Variants in NREP observed in about 807,000 individuals in gnomAD.
NREP encodes the protein neuronal regeneration related protein.
NREP carries 5 observed loss-of-function variants against 8.6 expected under a neutral mutation model. The observed-to-expected ratio is 0.58, with a 90% CI of 0.30 to 1.22. NREP has a LOEUF of 1.22. Ranked by LOEUF, NREP falls within the 50% of genes most tolerant of loss-of-function variation. NREP has a pLI of 0.07. For missense variants in NREP, 86 were observed against 82.5 expected (o/e 1.04, Z -0.17); for synonymous variants, 27 against 28.0 (o/e 0.96, Z 0.11).
chr5:111,831,994 G>A (rs148496457), intron 2 of NREP, among the ~76,000 whole-genome samples: 3 of 152,274 alleles, frequency 2.0e-5, no homozygotes, highest in Admixed American at 6.5e-5. Context: ...GTCTCTATGA[G>A]TGTTATAAGA....
chr5:111,754,521 CA>C (rs1454019777), intron 2 of NREP, among the ~76,000 whole-genome samples: 5 of 152,330 alleles, frequency 3.3e-5, no homozygotes, highest in African/African-American at 1.2e-4. Flanking sequence ...AAATACTTTA[CA>C]GCAGTTGATT....
chr5:111,857,530 G>C (rs1396182973), intron 2 of NREP, among the ~76,000 whole-genome samples: 1 of 151,920 alleles, frequency 6.6e-6, no homozygotes, highest in Non-Finnish European at 1.5e-5. Flanking sequence ...CTGAGGGTGT[G>C]GATCATATGG....
intron 2 of NREP, among the ~76,000 whole-genome samples, chr5:111,875,991 C>A (rs1286892959): frequency 1.3e-5 from 2 of 152,134 alleles, no homozygotes; most frequent in Non-Finnish European, 2.9e-5. Flanking sequence ...ACATAGAGCA[C>A]AAATAACTGG....
chr5:111,835,987 G>A (rs1473384861), intron 2 of NREP, among the ~76,000 whole-genome samples: 1 of 152,074 alleles, frequency 6.6e-6, no homozygotes, highest in African/African-American at 2.4e-5. Flanking sequence ...CAAGAATTCA[G>A]GTTCTGGCAC....
intron 2 of NREP, among the ~76,000 whole-genome samples, chr5:111,869,083 G>C (rs1480298698): frequency 6.6e-6 from 1 of 152,158 alleles, no homozygotes; most frequent in Non-Finnish European, 1.5e-5. Context: ...GGAGCCACAA[G>C]GTGGGAATAA....
intron 2 of NREP, among the ~76,000 whole-genome samples, chr5:111,950,245 C>G (rs140181363): frequency 4.6e-5 from 7 of 152,096 alleles, no homozygotes; most frequent in Middle Eastern, 3.4e-3. Context: ...CCATACCATA[C>G]GCCTACAACC....
intron 2 of NREP, among the ~76,000 whole-genome samples, chr5:111,780,856 T>C (rs572616470): frequency 6.6e-6 from 1 of 152,124 alleles, no homozygotes; most frequent in Admixed American, 6.6e-5. Context: ...AGTTGACACA[T>C]TGCCATCAAG....
At chr5:111,864,221 T>G (rs968982258) in intron 2 of NREP, among the ~76,000 whole-genome samples, 4 of 152,166 alleles carry the variant, frequency 2.6e-5, no homozygotes, top group Admixed American at 2.0e-4. Flanking sequence ...ACTGGGGTCC[T>G]AAATAAGTAA....
chr5:111,929,475 C>A (rs1755478945), intron 2 of NREP, among the ~76,000 whole-genome samples: 1 of 152,196 alleles, frequency 6.6e-6, no homozygotes, highest in Non-Finnish European at 1.5e-5. Context: ...GGCCTCAGGG[C>A]AAGGATCTTT....
intron 2 of NREP, among the ~76,000 whole-genome samples, chr5:111,931,585 G>C (rs1031360125): frequency 6.6e-6 from 1 of 152,102 alleles, no homozygotes; most frequent in Middle Eastern, 3.2e-3. Flanking sequence ...AGCCACTCCA[G>C]AATTTCTGAC....
chr5:111,955,588 T>A (rs1756293138), intron 2 of NREP, among the ~76,000 whole-genome samples: 1 of 152,052 alleles, frequency 6.6e-6, no homozygotes, highest in Admixed American at 6.6e-5. Flanking sequence ...TTTCTGAGTC[T>A]GTGTAAGGGG....
chr5:111,768,884 G>A (rs571616792), intron 2 of NREP, among the ~76,000 whole-genome samples: 1 of 152,314 alleles, frequency 6.6e-6, no homozygotes, highest in Non-Finnish European at 1.5e-5. Context: ...ACCCAATAAT[G>A]GGAATGCTGG....
intron 2 of NREP, among the ~76,000 whole-genome samples, chr5:111,895,226 A>T (rs1338093078): frequency 1.3e-5 from 2 of 152,214 alleles, no homozygotes; most frequent in African/African-American, 4.8e-5. Flanking sequence ...GATTGAGGAC[A>T]GAGTGGGGCT....
chr5:111,847,670 T>C (rs1034764337), intron 2 of NREP, among the ~76,000 whole-genome samples: 4 of 152,180 alleles, frequency 2.6e-5, no homozygotes, highest in Non-Finnish European at 5.9e-5. Context: ...TCTGTATATC[T>C]GTGTTTGGAG....
intron 2 of NREP, among the ~76,000 whole-genome samples, chr5:111,947,310 A>C (rs978729516): frequency 6.6e-6 from 1 of 151,984 alleles, no homozygotes; most frequent in Non-Finnish European, 1.5e-5. Flanking sequence ...ATTCAGATTC[A>C]ATGTTCTTTC....
At chr5:111,814,981 A>T (rs1044178428) in intron 2 of NREP, among the ~76,000 whole-genome samples, 1 of 151,772 alleles carries the variant, frequency 6.6e-6, no homozygotes. Flanking sequence ...AAAAAAAGGA[A>T]TACCAAAGGA....
chr5:111,951,464 T>C (rs900051650), intron 2 of NREP, among the ~76,000 whole-genome samples: 2 of 152,048 alleles, frequency 1.3e-5, no homozygotes, highest in African/African-American at 4.8e-5. Flanking sequence ...GCGGTGGTCA[T>C]AGTGCTGATG....
At chr5:111,948,171 G>T (rs1395117660) in intron 2 of NREP, among the ~76,000 whole-genome samples, 1 of 152,032 alleles carries the variant, frequency 6.6e-6, no homozygotes, top group Non-Finnish European at 1.5e-5. Context: ...TCCCACAAAA[G>T]CCTCATTCTA....
chr5:111,812,163 G>A (rs529177673), intron 2 of NREP, among the ~76,000 whole-genome samples: 10 of 152,002 alleles, frequency 6.6e-5, no homozygotes, highest in Non-Finnish European at 1.3e-4. Flanking sequence ...GGCTCACACC[G>A]GTAGTCCCAG....
Sources: gnomAD v4.1 joint callset for allele counts (sites outside exome capture counted in the v4.1 genomes callset) on GRCh38, gnomAD v4.1.1 for gene constraint, MANE v1.5 for transcripts, NCBI Gene and HGNC (gene_info 2026-07-23, HGNC 2026-07-21) for gene names.